PCSK5: variants seen among roughly 807,000 people sequenced by gnomAD.
PCSK5 encodes prohormone convertase 5.
Under a neutral mutation model 233.2 loss-of-function variants are expected in PCSK5, and 129 were observed. The observed-to-expected ratio is 0.55, with a 90% CI of 0.48 to 0.64. The LOEUF (loss-of-function observed/expected upper bound fraction) is 0.64, where lower values mean the gene tolerates loss of function less well. PCSK5 is among the 30% of genes least tolerant of loss of function. The pLI, the probability that PCSK5 is intolerant of heterozygous loss-of-function variation, is 0.00. For missense variants in PCSK5, 2,076 were observed against 2,430.1 expected (o/e 0.85, Z 3.06); for synonymous variants, 825 against 879.2 (o/e 0.94, Z 1.09).
At chr9:76,156,791 C>T (rs1822606643) in intron 10 of PCSK5, among the ~76,000 whole-genome samples, 1 of 152,160 alleles carries the variant, frequency 6.6e-6, no homozygotes, top group Non-Finnish European at 1.5e-5. Flanking sequence ...AAACTGTAGA[C>T]TAGTGCCTGG....
chr9:76,041,840 A>AGG (rs199676555), intron 5 of PCSK5, among the ~76,000 whole-genome samples: 1 of 117,296 alleles, frequency 8.5e-6, no homozygotes, highest in Non-Finnish European at 1.7e-5. Flanking sequence ...CTCTGTCTCA[A>AGG]GGGAAAAAAA....
At chr9:76,102,354 G>T (rs1235887696) in intron 8 of PCSK5, among the ~76,000 whole-genome samples, 2 of 152,048 alleles carry the variant, frequency 1.3e-5, no homozygotes, top group Non-Finnish European at 2.9e-5. Context: ...ATTTTATATG[G>T]ACACACATAA....
chr9:76,232,452 A>G (rs139768397), intron 21 of PCSK5, among the ~76,000 whole-genome samples: 1 of 152,302 alleles, frequency 6.6e-6, no homozygotes, highest in East Asian at 1.9e-4. Context: ...ATTCCACAGT[A>G]ATCCAGACTG....
chr9:75,978,831 G>C (rs1044018044), intron 2 of PCSK5, among the ~76,000 whole-genome samples: 2 of 150,384 alleles, frequency 1.3e-5, no homozygotes, highest in African/African-American at 4.9e-5. Context: ...ATCTGATGGT[G>C]CACTAAGTTG....
At chr9:76,039,166 T>C (rs1431287185) in intron 5 of PCSK5, among the ~76,000 whole-genome samples, 6 of 152,262 alleles carry the variant, frequency 3.9e-5, no homozygotes, top group Non-Finnish European at 8.8e-5. Context: ...ATTCCACTTA[T>C]GTTCGTCCCA....
At chr9:76,118,772 T>A (rs139841237) in intron 9 of PCSK5, among the ~76,000 whole-genome samples, 172 of 152,110 alleles carry the variant, frequency 1.1e-3, no homozygotes, top group African/African-American at 3.9e-3. Context: ...CATGCAGACA[T>A]GTAAATCAAA....
At chr9:76,331,990 G>T (rs1400151511) in intron 33 of PCSK5, among the ~76,000 whole-genome samples, 1 of 152,248 alleles carries the variant, frequency 6.6e-6, no homozygotes, top group Non-Finnish European at 1.5e-5. Flanking sequence ...TAATACGGCG[G>T]TGTTTTTCCT....
At chr9:76,255,302 AT>A (rs1288615925) in intron 24 of PCSK5, among the ~76,000 whole-genome samples, 10 of 152,130 alleles carry the variant, frequency 6.6e-5, no homozygotes, top group Non-Finnish European at 8.8e-5. Flanking sequence ...AATAAAAAAA[AT>A]AATTTTAAAA....
chr9:75,896,094 A>G (rs540300789), intron 1 of PCSK5, among the ~76,000 whole-genome samples: 185 of 152,274 alleles, frequency 1.2e-3, no homozygotes, highest in African/African-American at 4.3e-3. Context: ...TGCACAGGGC[A>G]ACTCTTCATG....
Position 76,096,107 on chromosome 9 carries a change from G to T in PCSK5, c.1107+5G>T. On this transcript the variant is annotated splice_donor_5th_base_variant and intron_variant, in intron 8 of 37. Transcript: ENST00000674117. ...GAGTCCTACGATAAGAAAATCGTAC[G>T]TGACATGTGCATGCCCATCATGATC... is the stretch of plus-strand genomic sequence containing the variant. The T allele has an allele frequency of 6.2e-7, 1 of 1,602,374 alleles. No individual in the cohort carries two copies. Among genetic ancestry groups the T allele is most frequent in the Non-Finnish European group, 8.5e-7 (1 of 1,169,714 alleles).
chr9:76,187,020 G>GA (rs1824136434), intron 17 of PCSK5, among the ~76,000 whole-genome samples: 1 of 151,886 alleles, frequency 6.6e-6, no homozygotes, highest in Non-Finnish European at 1.5e-5. Flanking sequence ...ACAAACAGGG[G>GA]AAAAAATATA....
chr9:76,274,504 T>C (rs1179964359), intron 24 of PCSK5, among the ~76,000 whole-genome samples: 1 of 152,178 alleles, frequency 6.6e-6, no homozygotes, highest in Non-Finnish European at 1.5e-5. Context: ...CCTTGAAAAT[T>C]TACCCATGAA....
chr9:76,292,303 C>G, intron 25 of PCSK5, 28 bp downstream of exon 25: 1 of 1,431,706 alleles, frequency 7.0e-7, no homozygotes, highest in Non-Finnish European at 9.8e-7. Context: ...TTTCATGGCA[C>G]TAACTTTTCT....
At chr9:75,928,596 C>CATACAT (rs1554707480) in intron 1 of PCSK5, among the ~76,000 whole-genome samples, 1 of 68,398 alleles carries the variant, frequency 1.5e-5, no homozygotes, top group African/African-American at 4.9e-5. Context: ...CATATAAATA[C>CATACAT]ATATATATAT....
Position 76,188,655 on chromosome 9 carries a change from G to A in PCSK5, c.2360G>A (p.Arg787His), listed in dbSNP as rs758699272. 19 of 1,612,906 alleles carry A rather than the reference G, an allele frequency of 1.2e-5. No individual in the cohort carries two copies. The highest frequency in any genetic ancestry group is 3.3e-5 in the South Asian group (3 of 91,058). Reference sequence around the variant, plus strand: ...GGCCAGGACTGCCAGCCCTGCCACCGCTTCTGCGCCACTTGTGCTGGTACC... The same window carrying A: ...GGCCAGGACTGCCAGCCCTGCCACCACTTCTGCGCCACTTGTGCTGGTACC... ...FNGQDCQPCHRFCATCAGAGA... is the reference protein window; with the variant it reads ...FNGQDCQPCHHFCATCAGAGA... The change falls in exon 18 of 38, where the codon CGC becomes CAC. Residue 787 changes from arginine to histidine, a missense_variant. Around this residue, in one of 6 missense-constraint regions of PCSK5, gnomAD observed 1,510 missense variants for 1,538.1 expected, o/e 0.98. Coordinates refer to ENST00000674117, the MANE Select transcript of PCSK5 (RefSeq NM_001372043.1).
At chr9:75,999,006 G>T (rs533332931) in intron 3 of PCSK5, among the ~76,000 whole-genome samples, 1 of 152,080 alleles carries the variant, frequency 6.6e-6, no homozygotes, top group East Asian at 1.9e-4. Flanking sequence ...TTTGAGTCAG[G>T]CTCCAAATAA....
intron 20 of PCSK5, among the ~76,000 whole-genome samples, chr9:76,203,517 GA>G (rs1824993451): frequency 6.6e-6 from 1 of 151,876 alleles, no homozygotes; most frequent in South Asian, 2.1e-4. Context: ...AAGTTAGAGA[GA>G]TTCAAAGTGT....
rs776064015 is a variant in PCSK5, at chr9:76,153,912, A to G, written c.1313-3133A>G. 4.6e-5 allele frequency among the ~76,000 whole-genome samples: 7 copies of G among 152,354 alleles called. No individual in the cohort carries two copies. The South Asian group carries it at 1.0e-3, about 23-fold the overall frequency. On this transcript the variant is annotated intron_variant, in intron 10 of 37. Coordinates refer to ENST00000674117, the MANE Select transcript of PCSK5 (RefSeq NM_001372043.1). ...ACCCTTGGGAGCCCCTCAGGGTAAC[A>G]GTAGATGTGCAAGACAGACTTGACT...
chr9:75,914,637 A>C (rs1213408206), intron 1 of PCSK5, among the ~76,000 whole-genome samples: 4 of 152,190 alleles, frequency 2.6e-5, no homozygotes, highest in Non-Finnish European at 5.9e-5. Flanking sequence ...CCTGAGTTCC[A>C]GTATCTTCAA....
Sources: allele counts gnomAD v4.1 joint callset (sites outside exome capture counted in the v4.1 genomes callset), GRCh38; gene constraint gnomAD v4.1.1; regional missense constraint gnomAD v4.1.1; transcripts MANE v1.5; gene names NCBI Gene and HGNC (gene_info 2026-07-23, HGNC 2026-07-21).